GLI3: variants seen among roughly 807,000 people sequenced by gnomAD.
GLI3 encodes transcription activator GLI3.
In GLI3, 20 loss-of-function variants were observed where a neutral mutation model predicts 100.8. The ratio of observed to expected loss-of-function variants is 0.20; its 90% CI spans 0.14 to 0.29. The LOEUF (loss-of-function observed/expected upper bound fraction) is 0.29. Ranked by LOEUF, GLI3 falls within the 10% of genes least tolerant of loss-of-function variation. The pLI is 1.00. For missense variants in GLI3, 2,040 were observed against 2,128.5 expected, an observed-to-expected ratio of 0.96 and a Z score of 0.82; for synonymous variants, 938 against 860.5, an observed-to-expected ratio of 1.09 and a Z score of -1.58.
chr7:42,210,354 C>A (rs1212721593), intron 2 of GLI3, among the ~76,000 whole-genome samples: 3 of 41,432 alleles, frequency 7.2e-5, no homozygotes, highest in Non-Finnish European at 1.5e-4. Context: ...CCCCCCCCCC[C>A]AAGTTAAAAT....
At chr7:42,172,389 G>C (rs1441154585) in intron 2 of GLI3, 2 of 611,804 alleles carry the variant, frequency 3.3e-6, no homozygotes, top group Admixed American at 5.2e-5. Flanking sequence ...CTGTGGTAGA[G>C]GAGAATTTGC....
At chr7:42,220,104 G>T (rs1312670465) in intron 2 of GLI3, among the ~76,000 whole-genome samples, 1 of 151,984 alleles carries the variant, frequency 6.6e-6, no homozygotes, top group Non-Finnish European at 1.5e-5. Flanking sequence ...CGCCCGCCTC[G>T]GCCTGCCAAA....
rs536152310 is a variant in GLI3, at chr7:41,965,393, T to C, written c.3680A>G (p.Glu1227Gly). 3.7e-6 allele frequency: 6 copies of C among 1,611,928 alleles called. No individual in the cohort carries two copies. In the South Asian group the frequency reaches 6.6e-5, roughly 18 times the overall value. The change falls in exon 15 of 15, where the codon GAG (glutamate) becomes GGG (glycine). Residue 1227 changes from glutamate to glycine, a missense_variant. Glu to Gly is a moderately conservative substitution (Grantham distance 98). Coordinates refer to ENST00000395925, the MANE Select transcript of GLI3 (RefSeq NM_000168.6). ...GENSNPYGGP[E>G]HLMLHNSPGS... ...GGGGCTGTTGTGGAGCATCAAGTGC[T>C]CTGGGCCACCGTAGGGGTTGCTGTT...
chr7:42,045,274 C>T (rs1319712158), intron 6 of GLI3, 110 bp downstream of exon 6: 22 of 1,066,646 alleles, frequency 2.1e-5, no homozygotes, highest in Non-Finnish European at 3.2e-5. Flanking sequence ...TCCACTTTCT[C>T]CTCCAGATCA....
At chr7:42,096,280 G>C (rs977994594) in intron 3 of GLI3, among the ~76,000 whole-genome samples, 1 of 152,188 alleles carries the variant, frequency 6.6e-6, no homozygotes, top group Non-Finnish European at 1.5e-5. Flanking sequence ...GGAGAGTACC[G>C]ATGGAGTCAG....
intron 1 of GLI3, among the ~76,000 whole-genome samples, chr7:42,256,091 C>A (rs1271829950): frequency 6.6e-6 from 1 of 152,024 alleles, no homozygotes; most frequent in East Asian, 1.9e-4. Flanking sequence ...GTTCATTAGC[C>A]ATTTTCATAT....
chr7:42,168,637 C>T (rs951146000), intron 2 of GLI3, among the ~76,000 whole-genome samples: 4 of 152,062 alleles, frequency 2.6e-5, no homozygotes, highest in African/African-American at 7.2e-5. Context: ...GAAAACAGGC[C>T]GAGCACAGTG....
intron 2 of GLI3, among the ~76,000 whole-genome samples, chr7:42,200,681 T>C (rs901959961): frequency 6.6e-6 from 1 of 152,198 alleles, no homozygotes; most frequent in Admixed American, 6.5e-5. Flanking sequence ...GACAGGCTGG[T>C]CTGGCAATTC....
chr7:41,988,807 A>C (rs1039202194), intron 10 of GLI3, among the ~76,000 whole-genome samples: 7 of 152,204 alleles, frequency 4.6e-5, no homozygotes, highest in African/African-American at 7.2e-5. Context: ...TCCTTCTCTT[A>C]AAATTTTGTT....
chr7:42,012,444 A>G (rs1788643195), intron 10 of GLI3, among the ~76,000 whole-genome samples: 2 of 152,080 alleles, frequency 1.3e-5, no homozygotes, highest in African/African-American at 4.8e-5. Context: ...CATTTACTTG[A>G]GTAACCTGGG....
intron 2 of GLI3, among the ~76,000 whole-genome samples, chr7:42,196,343 G>A (rs1562781944): frequency 6.6e-6 from 1 of 152,170 alleles, no homozygotes; most frequent in Non-Finnish European, 1.5e-5. Context: ...TCTCACCAGT[G>A]TTAAATAAGA....
chr7:42,074,466 C>G (rs1417803233), intron 4 of GLI3, among the ~76,000 whole-genome samples: 2 of 152,230 alleles, frequency 1.3e-5, no homozygotes, highest in Non-Finnish European at 2.9e-5. Flanking sequence ...CAATAAATCA[C>G]CAAGCAAGAG....
chr7:41,967,753 G>C lies in GLI3; in HGVS notation c.2274C>G (p.Thr758=). The C allele has an allele frequency of 6.2e-7, 1 of 1,614,222 alleles. No individual in the cohort carries two copies. The highest frequency in any genetic ancestry group is 8.5e-7 in the Non-Finnish European group (1 of 1,180,044). Residue 758 remains threonine (T), a synonymous_variant, in exon 14 of 15, where the codon ACC becomes ACG. Transcript: ENST00000395925. ...TCCTGGCTTGCAAAGCAAGGGCTGT[G>C]GTTGCAGTGGAAATGGTTGAGTCCA... The part of the protein sequence containing the change: ...PIMDSTISTA[T]TALALQARRN...
intron 13 of GLI3, among the ~76,000 whole-genome samples, chr7:41,968,748 G>GAAAGAAGGAAAGA (rs1787282154): frequency 1.6e-5 from 2 of 122,156 alleles, no homozygotes; most frequent in African/African-American, 7.4e-5. Flanking sequence ...AAGAAAGAAA[G>GAAAGAAGGAAAGA]AAAGAAAGAA....
At position 42,184,933 on chromosome 7, in the gene GLI3, T is replaced by C. The variant is rs1194371510; in HGVS notation, c.125-36465A>G. Among the ~76,000 whole-genome samples, 4 of 152,246 alleles carry C rather than the reference T, an allele frequency of 2.6e-5. No individual in the cohort carries two copies. The East Asian group carries it at 7.7e-4, about 29-fold the overall frequency. On this transcript the variant is annotated intron_variant, in intron 2 of 14. Coordinates refer to ENST00000395925, the MANE Select transcript of GLI3 (RefSeq NM_000168.6). ...TGTACTCCTTCCTGCTCCTCCCCTC[T>C]CTTCCCCAGATGCCTGTCTTGAGGG...
intron 3 of GLI3, 91 bp downstream of exon 3, chr7:42,148,135 G>GCACACACACA (rs34148485): frequency 4.1e-4 from 360 of 867,492 alleles, no homozygotes; most frequent in Admixed American, 6.9e-4. Context: ...CATAAAGCGC[G>GCACACACACA]CACACACACA....
intron 1 of GLI3, among the ~76,000 whole-genome samples, chr7:42,236,584 G>A (rs926809029): frequency 2.0e-5 from 3 of 152,150 alleles, no homozygotes; most frequent in Non-Finnish European, 4.4e-5. Context: ...AGCCCGAGCC[G>A]TAGAGCGCCA....
Position 42,249,179 on chromosome 7 carries a change from T to C in GLI3, c.-43+14815A>G, listed in dbSNP as rs892421977. On this transcript the variant is annotated intron_variant, in intron 1 of 2. Coordinates refer to the GLI3 transcript ENST00000678978. ...AGGAGTCTTTTACAAACTTTTTATG[T>C]AAAAGACCACAACTTTTCAGGCCAT... Among the ~76,000 whole-genome samples the C allele has an allele frequency of 2.2e-3, 330 of 152,268 alleles. 3 individuals carry two copies. Among genetic ancestry groups the C allele is most frequent in the Non-Finnish European group, 5.1e-4 (35 of 68,006 alleles).
intron 10 of GLI3, among the ~76,000 whole-genome samples, chr7:41,997,245 A>T (rs1196145336): frequency 1.3e-5 from 2 of 152,192 alleles, no homozygotes; most frequent in African/African-American, 2.4e-5. Context: ...AGGCTGATAA[A>T]GAAACCTGAC....
Sources: gnomAD v4.1 joint callset for allele counts (sites outside exome capture counted in the v4.1 genomes callset) on GRCh38, gnomAD v4.1.1 for gene constraint, MANE v1.5 for transcripts, NCBI Gene and HGNC (gene_info 2026-07-23, HGNC 2026-07-21) for gene names.